REDIC1: variants seen among roughly 807,000 people sequenced by gnomAD.
REDIC1 encodes the protein HEI10 Interacting Protein 1.
chr12:39,741,286 G>T, the REDIC1 span, among the ~76,000 whole-genome samples: 1 of 152,116 alleles, frequency 6.6e-6, no homozygotes, highest in East Asian at 1.9e-4. Context: ...ACATGGGTCA[G>T]TTCCTCTCCT....
At chr12:39,885,946 T>A in the REDIC1 span, among the ~76,000 whole-genome samples, 1 of 152,188 alleles carries the variant, frequency 6.6e-6, no homozygotes, top group Non-Finnish European at 1.5e-5. Flanking sequence ...TGTATAGATA[T>A]CACTCCAGAG....
At chr12:39,726,915 C>T in the REDIC1 span, among the ~76,000 whole-genome samples, 4 of 152,088 alleles carry the variant, frequency 2.6e-5, no homozygotes, top group African/African-American at 4.8e-5. Context: ...TAATGACCAG[C>T]GATGATGAGC....
the REDIC1 span, among the ~76,000 whole-genome samples, chr12:39,761,998 G>A: frequency 6.6e-6 from 1 of 152,098 alleles, no homozygotes; most frequent in African/African-American, 2.4e-5. Flanking sequence ...TCCTGAAGTT[G>A]ATTACAGATT....
At chr12:39,897,395 T>C in the REDIC1 span, among the ~76,000 whole-genome samples, 1 of 152,142 alleles carries the variant, frequency 6.6e-6, no homozygotes, top group Non-Finnish European at 1.5e-5. Context: ...AATTCCCAAC[T>C]GCCTACCCCA....
At chr12:39,704,089 A>G in the REDIC1 span, among the ~76,000 whole-genome samples, 47 of 152,328 alleles carry the variant, frequency 3.1e-4, no homozygotes, top group African/African-American at 1.0e-3. Context: ...TAATTAAAGT[A>G]AAGAGCTTCT....
chr12:39,754,595 GA>G, the REDIC1 span, among the ~76,000 whole-genome samples: 1 of 152,056 alleles, frequency 6.6e-6, no homozygotes, highest in South Asian at 2.1e-4. Flanking sequence ...AGCTATGATT[GA>G]GGCAGAATGG....
At chr12:39,734,163 A>T in the REDIC1 span, among the ~76,000 whole-genome samples, 2 of 152,222 alleles carry the variant, frequency 1.3e-5, no homozygotes, top group African/African-American at 4.8e-5. Flanking sequence ...TAGGGGAGGG[A>T]GTTCCCAGAC....
the REDIC1 span, among the ~76,000 whole-genome samples, chr12:39,889,721 G>A: frequency 2.3e-3 from 353 of 151,794 alleles, 2 homozygotes; most frequent in African/African-American, 7.9e-3. Context: ...TTAGAGAGAC[G>A]GGGTTTCACC....
At chr12:39,821,118 T>C in the REDIC1 span, among the ~76,000 whole-genome samples, 3 of 152,132 alleles carry the variant, frequency 2.0e-5, no homozygotes, top group Non-Finnish European at 4.4e-5. Flanking sequence ...GAGTTCCTTT[T>C]ATAACTCAAA....
chr12:39,890,309 T>G, the REDIC1 span, among the ~76,000 whole-genome samples: 1 of 152,154 alleles, frequency 6.6e-6, no homozygotes, highest in Non-Finnish European at 1.5e-5. Flanking sequence ...TAAACAGTAT[T>G]ATTTATAAAA....
the REDIC1 span, among the ~76,000 whole-genome samples, chr12:39,806,054 G>C: frequency 6.6e-6 from 1 of 152,144 alleles, no homozygotes; most frequent in South Asian, 2.1e-4. Flanking sequence ...TACAGTGACA[G>C]CAATTGTAGC....
At chr12:39,887,407 C>G in the REDIC1 span, among the ~76,000 whole-genome samples, 285 of 152,242 alleles carry the variant, frequency 1.9e-3, 2 homozygotes, top group Admixed American at 0.018. Context: ...AATAAACTCT[C>G]TTCTCCACTG....
the REDIC1 span, among the ~76,000 whole-genome samples, chr12:39,840,753 T>C: frequency 6.6e-6 from 1 of 152,080 alleles, no homozygotes; most frequent in African/African-American, 2.4e-5. Flanking sequence ...TCTTAACAGC[T>C]TCATGCTGTG....
At chr12:39,681,047 G>A in the REDIC1 span, among the ~76,000 whole-genome samples, 97 of 152,216 alleles carry the variant, frequency 6.4e-4, 2 homozygotes, top group South Asian at 0.018. Context: ...TGAAGCAGGT[G>A]GATCACCTGA....
chr12:39,713,919 A>G, the REDIC1 span, among the ~76,000 whole-genome samples: 3 of 148,268 alleles, frequency 2.0e-5, no homozygotes, highest in East Asian at 2.0e-4. Flanking sequence ...GTGTATATGT[A>G]TATATTAAAT....
chr12:39,890,536 C>A, the REDIC1 span, among the ~76,000 whole-genome samples: 1 of 152,058 alleles, frequency 6.6e-6, no homozygotes, highest in East Asian at 1.9e-4. Context: ...TAGTAGAAGA[C>A]GGAGGCAGAA....
At chr12:39,660,228 T>C in the REDIC1 span, among the ~76,000 whole-genome samples, 31 of 152,316 alleles carry the variant, frequency 2.0e-4, no homozygotes, top group East Asian at 4.8e-3. Flanking sequence ...CTGGAGGTCT[T>C]ACTCTCTGAA....
chr12:39,711,622 T>TAC, the REDIC1 span, among the ~76,000 whole-genome samples: 13 of 66,610 alleles, frequency 2.0e-4, no homozygotes, highest in Non-Finnish European at 4.1e-4. Context: ...TGTATGTGTA[T>TAC]ACACGTATGT....
At chr12:39,864,637 C>A in the REDIC1 span, 2 of 1,300,018 alleles carry the variant, frequency 1.5e-6, no homozygotes, top group South Asian at 1.6e-5. Flanking sequence ...CCATTTTCTT[C>A]CCTTCTTACA....
Sources: gnomAD v4.1 joint callset for allele counts (sites outside exome capture counted in the v4.1 genomes callset) on GRCh38, gnomAD v4.1.1 for gene constraint, MANE v1.5 for transcripts, NCBI Gene and HGNC (gene_info 2026-07-23, HGNC 2026-07-21) for gene names.